KCNAB1: variants seen among roughly 807,000 people sequenced by gnomAD.
KCNAB1 encodes the protein potassium voltage-gated channel subfamily A regulatory beta subunit 1, also known as voltage-gated potassium channel subunit beta-1.
In KCNAB1, 35 loss-of-function variants were observed where a neutral mutation model predicts 64.6. The observed-to-expected ratio is 0.54, with a 90% CI of 0.41 to 0.72. KCNAB1 has a LOEUF of 0.72. KCNAB1 is among the 30% of genes least tolerant of loss of function. The probability of loss-of-function intolerance (pLI) is 0.00; values close to 1 mark genes in which losing one functional copy is unlikely to be tolerated. For missense variants in KCNAB1, 401 were observed against 512.9 expected (o/e 0.78, Z 2.11); for synonymous variants, 177 against 183.8 (o/e 0.96, Z 0.30).
intron 5 of KCNAB1, among the ~76,000 whole-genome samples, chr3:156,462,825 GAAACCA>G (rs1713024948): frequency 6.6e-6 from 1 of 152,148 alleles, no homozygotes; most frequent in Non-Finnish European, 1.5e-5. Context: ...CATACCGAGG[GAAACCA>G]AATTGCACTG....
At chr3:156,516,418 G>A in intron 11 of KCNAB1, 54 bp downstream of exon 11, 1 of 1,313,192 alleles carries the variant, frequency 7.6e-7, no homozygotes, top group Non-Finnish European at 1.1e-6. Flanking sequence ...AGGGAAGAAG[G>A]TTGGTAAGAA....
At chr3:156,275,012 T>G (rs911780418) in intron 1 of KCNAB1, among the ~76,000 whole-genome samples, 9 of 152,208 alleles carry the variant, frequency 5.9e-5, no homozygotes, top group African/African-American at 2.2e-4. Context: ...TTAACTAACA[T>G]GTCAACATTT....
intron 1 of KCNAB1, among the ~76,000 whole-genome samples, chr3:156,163,146 A>C (rs1256930282): frequency 6.6e-6 from 1 of 152,204 alleles, no homozygotes; most frequent in East Asian, 1.9e-4. Context: ...GTAAATTAAA[A>C]ATTCAGTTTC....
intron 1 of KCNAB1, among the ~76,000 whole-genome samples, chr3:156,267,717 C>A (rs1814218): frequency 1.3e-5 from 2 of 151,792 alleles, no homozygotes; most frequent in Non-Finnish European, 2.9e-5. Flanking sequence ...CTTTTCTGCC[C>A]TTACTGCCCA....
intron 1 of KCNAB1, among the ~76,000 whole-genome samples, chr3:156,408,182 G>A (rs541353577): frequency 3.9e-4 from 60 of 152,254 alleles, no homozygotes; most frequent in African/African-American, 1.3e-3. Flanking sequence ...AAAAATGGCC[G>A]AACTCAGCAG....
chr3:156,528,426 G>A (rs1308236627), intron 12 of KCNAB1, among the ~76,000 whole-genome samples: 3 of 152,164 alleles, frequency 2.0e-5, no homozygotes, highest in African/African-American at 7.2e-5. Context: ...ACACTGGGCT[G>A]GTGGCTGAGC....
At chr3:156,187,253 T>C (rs955490913) in intron 1 of KCNAB1, among the ~76,000 whole-genome samples, 2 of 152,176 alleles carry the variant, frequency 1.3e-5, no homozygotes, top group Non-Finnish European at 2.9e-5. Flanking sequence ...GGCTTTCTTT[T>C]CCCTTTATAC....
At chr3:156,389,663 T>G (rs1344284411) in intron 1 of KCNAB1, among the ~76,000 whole-genome samples, 1 of 152,218 alleles carries the variant, frequency 6.6e-6, no homozygotes, top group Non-Finnish European at 1.5e-5. Context: ...TTAACAGGCC[T>G]GCCAGGTGAT....
In KCNAB1 at chr3:156,288,015, A is replaced by C. The variant is rs1214942140; in HGVS notation, c.276-133601A>C. Among the ~76,000 whole-genome samples the C allele has an allele frequency of 3.3e-5, 5 of 152,206 alleles. No individual in the cohort carries two copies. The East Asian group carries it at 9.6e-4, about 29-fold the overall frequency. On this transcript the variant is annotated intron_variant, in intron 1 of 13. Transcript: ENST00000490337. ...CTGCTATAACAAAGAACCACAGACT[A>C]GGTGGCTTAAACAACAGAAAATTAT...
chr3:156,192,369 T>G (rs1473262620), intron 1 of KCNAB1, among the ~76,000 whole-genome samples: 5 of 152,328 alleles, frequency 3.3e-5, no homozygotes, highest in Non-Finnish European at 5.9e-5. Context: ...AGGATTAGAT[T>G]TGAATTTTTA....
At chr3:156,267,782 G>A (rs554830305) in intron 1 of KCNAB1, among the ~76,000 whole-genome samples, 109 of 152,002 alleles carry the variant, frequency 7.2e-4, no homozygotes, top group Non-Finnish European at 1.2e-3. Context: ...TACATAGTAG[G>A]TGTATATATT....
intron 11 of KCNAB1, among the ~76,000 whole-genome samples, chr3:156,519,931 T>G (rs1717827814): frequency 6.6e-6 from 1 of 152,200 alleles, no homozygotes; most frequent in African/African-American, 2.4e-5. Flanking sequence ...GGTACTGTGA[T>G]CAGCTCAGGT....
intron 7 of KCNAB1, among the ~76,000 whole-genome samples, chr3:156,468,699 A>G (rs1422825876): frequency 6.6e-6 from 1 of 152,220 alleles, no homozygotes; most frequent in African/African-American, 2.4e-5. Context: ...TGTCCTTATA[A>G]GTACAACTGC....
intron 1 of KCNAB1, among the ~76,000 whole-genome samples, chr3:156,158,597 C>T (rs77580293): frequency 0.013 from 1,981 of 152,288 alleles, 39 homozygotes; most frequent in African/African-American, 0.032. Context: ...AACTTACTGG[C>T]TCATCCAACT....
rs554457261 is a variant in KCNAB1 at position 156,471,005 on chromosome 3, G to A, written c.572-3729G>A. ...GCAGGTGTCTCAAATTATGATGATA[G>A]GTCTGCTGAGAAAAAACTAGAAATT... On this transcript the variant is annotated intron_variant, in intron 7 of 13. Coordinates refer to ENST00000490337, the MANE Select transcript of KCNAB1 (RefSeq NM_172160.3). 2.1e-3 allele frequency among the ~76,000 whole-genome samples: 327 copies of A among 152,118 alleles called. 2 individuals carry two copies. The highest frequency in any genetic ancestry group is 1.3e-3 in the Non-Finnish European group (91 of 68,018).
At chr3:156,504,885 T>C (rs1217316772) in intron 8 of KCNAB1, among the ~76,000 whole-genome samples, 1 of 152,148 alleles carries the variant, frequency 6.6e-6, no homozygotes, top group Non-Finnish European at 1.5e-5. Context: ...TTAGCTCCTT[T>C]GCTGTGCAGA....
chr3:156,383,025 T>C (rs1712288884), intron 1 of KCNAB1, among the ~76,000 whole-genome samples: 1 of 152,194 alleles, frequency 6.6e-6, no homozygotes, highest in African/African-American at 2.4e-5. Context: ...TGAACTTTGT[T>C]GGTTCTGTAA....
intron 1 of KCNAB1, among the ~76,000 whole-genome samples, chr3:156,323,400 T>A (rs1376053835): frequency 6.6e-6 from 1 of 152,182 alleles, no homozygotes; most frequent in African/African-American, 2.4e-5. Context: ...TATACAGATT[T>A]GTGTTTATTT....
chr3:156,327,803 G>A (rs1044398145), intron 1 of KCNAB1, among the ~76,000 whole-genome samples: 3 of 152,090 alleles, frequency 2.0e-5, no homozygotes, highest in Non-Finnish European at 4.4e-5. Context: ...TAAGACAACA[G>A]GAGGCAAGCA....
Sources: gnomAD v4.1 joint callset for allele counts (sites outside exome capture counted in the v4.1 genomes callset) on GRCh38, gnomAD v4.1.1 for gene constraint, MANE v1.5 for transcripts, NCBI Gene and HGNC (gene_info 2026-07-23, HGNC 2026-07-21) for gene names.